The following PZP variants were observed in gnomAD, a reference collection of about 807,000 sequenced individuals.
PZP encodes the protein PZP alpha-2-macroglobulin like.
Under a neutral mutation model 179.8 loss-of-function variants are expected in PZP, and 150 were observed. The ratio of observed to expected loss-of-function variants is 0.83; its 90% CI spans 0.73 to 0.96. PZP has a LOEUF of 0.96. PZP is among the 40% of genes least tolerant of loss of function. PZP has a pLI of 0.00. For synonymous variants in PZP, 624 were observed against 652.3 expected (o/e 0.96, Z 0.66); for missense variants, 1,689 against 1,764.0 (o/e 0.96, Z 0.76).
intron 16 of PZP, 37 bp downstream of exon 16, chr12:9,169,393 C>A: frequency 6.6e-7 from 1 of 1,513,010 alleles, no homozygotes; most frequent in Non-Finnish European, 9.0e-7. Context: ...TTCAAAAACT[C>A]ACAAGCCAGC....
At chr12:9,155,145 C>T (rs907371326) in intron 28 of PZP, among the ~76,000 whole-genome samples, 3 of 152,224 alleles carry the variant, frequency 2.0e-5, no homozygotes, top group Middle Eastern at 6.8e-3. Context: ...TTTTATTGTT[C>T]GTGATATTTT....
intron 7 of PZP, among the ~76,000 whole-genome samples, chr12:9,198,045 C>CATAT (rs11471363): frequency 7.0e-6 from 1 of 142,022 alleles, no homozygotes; most frequent in Non-Finnish European, 1.5e-5. Flanking sequence ...TATATGCAAA[C>CATAT]ATATATATAT....
rs189962928 is a variant in PZP, at chr12:9,173,266, T to C, written c.1840-3675A>G. 1.3e-3 allele frequency among the ~76,000 whole-genome samples: 197 copies of C among 152,352 alleles called. 1 individual carries two copies. Among genetic ancestry groups the C allele is most frequent in the African/African-American group, 4.6e-3 (192 of 41,572 alleles). ...TTAAGGCAGAAATCAAGAAGTTATTTGAAACTAATGAGAACAAAGAGACAA... is the reference window on the plus strand; with the variant it reads ...TTAAGGCAGAAATCAAGAAGTTATTCGAAACTAATGAGAACAAAGAGACAA... On this transcript the variant is annotated intron_variant, in intron 15 of 35. Coordinates refer to ENST00000261336, the MANE Select transcript of PZP (RefSeq NM_002864.3).
At chr12:9,196,307 C>G (rs375090741) in intron 10 of PZP, 23 bp downstream of exon 10, 258 of 1,530,218 alleles carry the variant, frequency 1.7e-4, no homozygotes, top group Non-Finnish European at 2.3e-4. Flanking sequence ...CTTTGCTTAC[C>G]TGTGCATTAC....
the PZP span, among the ~76,000 whole-genome samples, chr12:9,136,743 C>T: frequency 6.6e-6 from 1 of 151,952 alleles, no homozygotes; most frequent in Non-Finnish European, 1.5e-5. Context: ...AGCGATATCT[C>T]ATTGTGGTTT....
At chr12:9,169,390 A>C (rs1592484360) in intron 16 of PZP, 40 bp downstream of exon 16, 2 of 1,502,652 alleles carry the variant, frequency 1.3e-6, no homozygotes, top group Admixed American at 2.1e-5. Flanking sequence ...ACATTCAAAA[A>C]CTCACAAGCC....
rs374726093 is a variant in PZP at position 9,166,097 on chromosome 12, C to T, written c.2213G>A (p.Arg738Gln). The change falls in exon 18 of 36, where the codon CGA (arginine) becomes CAA (glutamine). Residue 738 changes from arginine to glutamine, a missense_variant. Arg to Gln is a conservative substitution (Grantham distance 43). This residue lies in a region of PZP where 201 missense variants were observed against 284.2 expected (regional missense o/e 0.71). Transcript: ENST00000261336. ...QSSGPVPETV[R>Q]SYFPETWIWE... is the part of the protein sequence containing the mutation. The stretch of plus-strand genomic sequence containing the variant: ...GATCCAAGTCTCAGGAAAATAGCTT[C>T]GCACCGTTTCAGGGACTGGCCCTGA... 5.2e-5 allele frequency: 84 copies of T among 1,612,574 alleles called. 1 individual carries two copies. Among genetic ancestry groups the T allele is most frequent in the Middle Eastern group, 1.7e-4 (1 of 6,060 alleles).
downstream of PZP, among the ~76,000 whole-genome samples, chr12:9,146,933 G>A (rs1301325228): frequency 1.3e-5 from 2 of 152,110 alleles, no homozygotes; most frequent in East Asian, 3.9e-4. Context: ...TTCCCAGGCG[G>A]AAGTTGAGAG....
At position 9,150,670 on chromosome 12, in the gene PZP, A is replaced by T. The variant is rs1940287192; in HGVS notation, c.4358T>A (p.Val1453Asp). Residue 1453 changes from valine to aspartate, a missense_variant, in exon 34 of 36, where the codon GTT becomes GAT. By Grantham distance (152) the Val-to-Asp change is radical (BLOSUM62 -3). Transcript: ENST00000261336. ...IPVGDLKPAI[V>D]KVYDYYETDE... is the part of the protein sequence containing the mutation. ...TGTCTCATAGTAATCATAGACTTTAACAATTGCTGGCTTCAAGTCTCCTAC... is the reference window on the plus strand; with the variant it reads ...TGTCTCATAGTAATCATAGACTTTATCAATTGCTGGCTTCAAGTCTCCTAC... The T allele has an allele frequency of 6.2e-7, 1 of 1,610,790 alleles. No homozygotes were observed. The highest frequency in any genetic ancestry group is 1.1e-5 in the South Asian group (1 of 90,800).
chr12:9,191,303 T>C (rs907964130), intron 13 of PZP, among the ~76,000 whole-genome samples: 4 of 152,076 alleles, frequency 2.6e-5, no homozygotes, highest in East Asian at 1.9e-4. Flanking sequence ...TGAAGAACAA[T>C]GTACACAGTG....
intron 22 of PZP, chr12:9,162,389 C>T (rs898507816): frequency 3.5e-5 from 19 of 539,152 alleles, no homozygotes; most frequent in Middle Eastern, 9.1e-4. Flanking sequence ...AGGTATTAGT[C>T]CTGTCTGTAC....
In PZP at chr12:9,168,924, C is replaced by T. The variant is rs200273854; in HGVS notation, c.2052G>A (p.Ser684=). 1.9e-5 allele frequency: 31 copies of T among 1,614,068 alleles called. No individual in the cohort carries two copies. Among genetic ancestry groups the T allele is most frequent in the Non-Finnish European group, 2.3e-5 (27 of 1,179,970 alleles). Residue 684 remains serine (S), a synonymous_variant, in exon 17 of 36, where the codon TCG becomes TCA. Coordinates refer to ENST00000261336, the MANE Select transcript of PZP (RefSeq NM_002864.3). ...CAGACACGGAAGGGATGACTGAACACGACTTTGGTTTTCGGATTTTTGAGT... is the reference window on the plus strand; with the variant it reads ...CAGACACGGAAGGGATGACTGAACATGACTTTGGTTTTCGGATTTTTGAGT... ...FTNSKIRKPK[S]CSVIPSVSAG...
rs1941791732 is a variant in PZP at position 9,169,024 on chromosome 12, T to C, written c.2002-50A>G. ...TACTTGTAAGCTTGATTAGAATATA[T>C]AAAACATATTATCCTTAGAGACTTC... On this transcript the variant is annotated intron_variant, in intron 16 of 35. Transcript: ENST00000261336. 2.3e-6 allele frequency: 3 copies of C among 1,330,690 alleles called. 1 individual carries two copies. The East Asian group carries it at 6.9e-5, about 31-fold the overall frequency. 82.4% of individuals were successfully genotyped at this position (1,330,690 alleles called of 1,614,324 possible).
At chr12:9,195,025 AG>A (rs1452763984) in intron 10 of PZP, among the ~76,000 whole-genome samples, 1 of 152,196 alleles carries the variant, frequency 6.6e-6, no homozygotes, top group Admixed American at 6.5e-5. Context: ...AAAATACATT[AG>A]AGGAGTAGGG....
chr12:9,200,411 C>T lies in PZP; in HGVS notation c.708G>A (p.Lys236=), dbSNP rs755591776. ...CTTTTTCATCCATGATACTGATTAT[C>T]TTTGGCACCTGAACTTTGACCTCAA... ...PKFEVKVQVP[K]IISIMDEKVN... is the part of the protein sequence containing the mutation. Residue 236 remains lysine (K), a synonymous_variant, in exon 7 of 36, where the codon AAG becomes AAA. Coordinates refer to ENST00000261336, the MANE Select transcript of PZP (RefSeq NM_002864.3). The T allele has an allele frequency of 3.8e-5, 61 of 1,611,412 alleles. No individual in the cohort carries two copies. The highest frequency in any genetic ancestry group is 4.8e-5 in the Non-Finnish European group (57 of 1,177,850).
chr12:9,151,192 C>T (rs1156526549), intron 33 of PZP, among the ~76,000 whole-genome samples: 1 of 152,110 alleles, frequency 6.6e-6, no homozygotes, highest in African/African-American at 2.4e-5. Flanking sequence ...TATCATTAGG[C>T]AACCACTGGG....
At chr12:9,205,908 C>G (rs1227535747) in intron 1 of PZP, among the ~76,000 whole-genome samples, 2 of 152,150 alleles carry the variant, frequency 1.3e-5, no homozygotes, top group African/African-American at 4.8e-5. Flanking sequence ...ATGTAGTCTG[C>G]TCCAGCACAC....
Position 9,196,631 on chromosome 12 carries a change from T to C in PZP, c.922A>G (p.Thr308Ala). Residue 308 changes from threonine (T) to alanine (A), a missense_variant, in exon 9 of 36, where the codon ACA becomes GCA. This residue lies in a region of PZP where 742 missense variants were observed against 730.5 expected (regional missense o/e 1.02). Coordinates refer to ENST00000261336, the MANE Select transcript of PZP (RefSeq NM_002864.3). The stretch of plus-strand genomic sequence containing the variant: ...AGCTTCATTTCAAAGCCCGTATTTG[T>C]AATCTGGAGCATTTTGGTGTGTACT... ...QQVHTKMLQITNTGFEMKLRV... is the reference protein window; with the variant it reads ...QQVHTKMLQIANTGFEMKLRV... 1 of 1,613,976 alleles carries C rather than the reference T, an allele frequency of 6.2e-7. No homozygotes were observed. The highest frequency in any genetic ancestry group is 1.1e-5 in the South Asian group (1 of 91,074).
In PZP at chr12:9,196,334, G is replaced by A; in HGVS notation, c.1088C>T (p.Ala363Val). The A allele has an allele frequency of 6.2e-7, 1 of 1,602,124 alleles. No homozygotes were observed. The highest frequency in any genetic ancestry group is 8.6e-7 in the Non-Finnish European group (1 of 1,169,454). Reference sequence around the variant, plus strand: ...GTGCATTACAACATATCTTACCTGTGCAAAAAAGGGGATTCCTTGTCTAAA... The same window carrying A: ...GTGCATTACAACATATCTTACCTGTACAAAAAAGGGGATTCCTTGTCTAAA... ...SHFRQGIPFF[A>V]QVLLVDGKGV... Residue 363 changes from alanine (A) to valine (V), a missense_variant, in exon 10 of 36, where the codon GCA (alanine) becomes GTA (valine). By Grantham distance (64) the Ala-to-Val change is moderately conservative. This residue lies in a region of PZP where 742 missense variants were observed against 730.5 expected (regional missense o/e 1.02). Coordinates refer to ENST00000261336, the MANE Select transcript of PZP (RefSeq NM_002864.3).
Sources: gnomAD v4.1 joint callset for allele counts (sites outside exome capture counted in the v4.1 genomes callset) on GRCh38, gnomAD v4.1.1 for gene constraint, gnomAD v4.1.1 regional missense constraint, MANE v1.5 for transcripts, NCBI Gene and HGNC (gene_info 2026-07-23, HGNC 2026-07-21) for gene names.